ZBTB7C: variants seen among roughly 807,000 people sequenced by gnomAD.
The protein encoded by ZBTB7C is zinc finger and BTB domain-containing protein 7C.
Under a neutral mutation model 25.7 loss-of-function variants are expected in ZBTB7C, and 8 were observed. The observed-to-expected ratio is 0.31, with a 90% CI of 0.18 to 0.56. ZBTB7C has a LOEUF of 0.56. Ranked by LOEUF, ZBTB7C falls within the 20% of genes least tolerant of loss-of-function variation. The pLI, the probability that ZBTB7C is intolerant of heterozygous loss-of-function variation, is 0.91. For synonymous variants in ZBTB7C, 394 were observed against 369.0 expected, an observed-to-expected ratio of 1.07 and a Z score of -0.78; for missense variants, 824 against 855.2, an observed-to-expected ratio of 0.96 and a Z score of 0.46.
At chr18:48,055,060 A>T (rs890971836) in intron 3 of ZBTB7C, among the ~76,000 whole-genome samples, 1 of 152,136 alleles carries the variant, frequency 6.6e-6, no homozygotes, top group African/African-American at 2.4e-5. Context: ...TTCACTGGGC[A>T]GGTAAGAGTA....
At chr18:48,145,150 C>T (rs766959617) in intron 3 of ZBTB7C, among the ~76,000 whole-genome samples, 7 of 152,166 alleles carry the variant, frequency 4.6e-5, no homozygotes. Context: ...TGGAAACCGT[C>T]TTCTGGAAGC....
intron 3 of ZBTB7C, among the ~76,000 whole-genome samples, chr18:48,138,146 G>A (rs2040231494): frequency 6.6e-6 from 1 of 152,270 alleles, no homozygotes; most frequent in Non-Finnish European, 1.5e-5. Context: ...GAGGTGCTTG[G>A]CCTTCCATGG....
chr18:48,095,376 C>G lies in ZBTB7C; in HGVS notation c.-16-54253G>C, dbSNP rs2038579721. On this transcript the variant is annotated intron_variant, in intron 3 of 4. Transcript: ENST00000590800. ...CAAGCTGCCTATTTGAGAGGAGAGC[C>G]CTGGAGCAGGGTTGGCCAGCAGGGA... is the stretch of plus-strand genomic sequence containing the variant. 2.6e-5 allele frequency among the ~76,000 whole-genome samples: 4 copies of G among 152,224 alleles called. 1 individual carries two copies. The South Asian group carries it at 8.3e-4, about 32-fold the overall frequency.
chr18:48,142,108 C>T (rs1441638435), intron 3 of ZBTB7C, among the ~76,000 whole-genome samples: 2 of 152,250 alleles, frequency 1.3e-5, no homozygotes, highest in Non-Finnish European at 2.9e-5. Flanking sequence ...TACATTTCTG[C>T]CACTGTGTGT....
At chr18:48,113,935 ACT>A (rs1260118293) in intron 3 of ZBTB7C, among the ~76,000 whole-genome samples, 3 of 151,678 alleles carry the variant, frequency 2.0e-5, no homozygotes, top group Non-Finnish European at 4.4e-5. Flanking sequence ...ATCCCCATTC[ACT>A]CTGTGTCTCC....
intron 1 of ZBTB7C, chr18:48,364,357 C>G (rs1027563905): frequency 6.6e-6 from 1 of 152,314 alleles, no homozygotes; most frequent in Non-Finnish European, 1.5e-5. Flanking sequence ...GCTGGTTCAC[C>G]CATGCAGAGA....
intron 2 of ZBTB7C, among the ~76,000 whole-genome samples, chr18:48,224,986 T>C (rs1400290785): frequency 6.6e-6 from 1 of 152,210 alleles, no homozygotes; most frequent in Admixed American, 6.5e-5. Context: ...CAGTAAACTA[T>C]CAGTTAAATA....
chr18:48,050,267 C>A (rs1328996438), intron 3 of ZBTB7C, among the ~76,000 whole-genome samples: 1 of 152,184 alleles, frequency 6.6e-6, no homozygotes, highest in Non-Finnish European at 1.5e-5. Context: ...GCAGTTTCCC[C>A]AAGCAAGGTG....
chr18:48,289,185 T>C (rs912652476), intron 2 of ZBTB7C, among the ~76,000 whole-genome samples: 5 of 152,168 alleles, frequency 3.3e-5, no homozygotes, highest in African/African-American at 7.2e-5. Flanking sequence ...TGGAGAGTAA[T>C]TGGACAATAT....
intron 1 of ZBTB7C, among the ~76,000 whole-genome samples, chr18:48,367,204 C>T (rs11082673): frequency 0.34 from 14,877 of 44,200 alleles, 2,056 homozygotes; most frequent in Non-Finnish European, 0.43. Flanking sequence ...TATATATATA[C>T]ACACACACAC....
chr18:48,176,432 A>G (rs2041679473), intron 3 of ZBTB7C, among the ~76,000 whole-genome samples: 1 of 152,240 alleles, frequency 6.6e-6, no homozygotes, highest in South Asian at 2.1e-4. Context: ...AATGCTGGGG[A>G]GAACATTATG....
chr18:48,165,131 C>T (rs753919800), intron 3 of ZBTB7C: 3 of 1,289,578 alleles, frequency 2.3e-6, no homozygotes, highest in South Asian at 1.2e-5. Flanking sequence ...GGACACTCAC[C>T]AACCCTTCAT....
At chr18:48,196,826 T>C (rs189680286) in intron 2 of ZBTB7C, among the ~76,000 whole-genome samples, 1 of 152,328 alleles carries the variant, frequency 6.6e-6, no homozygotes, top group Admixed American at 6.5e-5. Context: ...CTGCAACTCA[T>C]GAAGAGAAGA....
At chr18:48,118,571 C>T (rs1486304553) in intron 3 of ZBTB7C, among the ~76,000 whole-genome samples, 1 of 152,132 alleles carries the variant, frequency 6.6e-6, no homozygotes, top group Non-Finnish European at 1.5e-5. Context: ...TCTTTCTTAT[C>T]CTAAGAAAAC....
At chr18:48,137,253 G>T in intron 3 of ZBTB7C, 8 of 985,494 alleles carry the variant, frequency 8.1e-6, no homozygotes, top group Non-Finnish European at 9.6e-6. Context: ...ACTGTTAAGC[G>T]CAGGACAGGA....
intron 1 of ZBTB7C, among the ~76,000 whole-genome samples, chr18:48,361,417 G>T (rs996037754): frequency 1.3e-5 from 2 of 152,170 alleles, no homozygotes; most frequent in African/African-American, 4.8e-5. Flanking sequence ...AGAGCCCAGA[G>T]GAGGCTCGTG....
At chr18:48,251,199 C>T (rs7230490) in intron 2 of ZBTB7C, among the ~76,000 whole-genome samples, 91 of 151,684 alleles carry the variant, frequency 6.0e-4, no homozygotes, top group African/African-American at 2.1e-3. Flanking sequence ...ATTCCAGCCT[C>T]GGTGACAGAG....
At chr18:48,321,380 T>C (rs1447352612) in intron 2 of ZBTB7C, among the ~76,000 whole-genome samples, 1 of 152,208 alleles carries the variant, frequency 6.6e-6, no homozygotes, top group East Asian at 1.9e-4. Flanking sequence ...GCAGGCACTG[T>C]GCTGGGTAGA....
At chr18:48,257,494 C>T (rs2044053488) in intron 2 of ZBTB7C, among the ~76,000 whole-genome samples, 1 of 152,092 alleles carries the variant, frequency 6.6e-6, no homozygotes, top group Non-Finnish European at 1.5e-5. Context: ...AGAAATTATA[C>T]TAATTCTACA....
Sources: allele counts gnomAD v4.1 joint callset (sites outside exome capture counted in the v4.1 genomes callset), GRCh38; gene constraint gnomAD v4.1.1; transcripts MANE v1.5; gene names NCBI Gene and HGNC (gene_info 2026-07-23, HGNC 2026-07-21).